Variants in RANBP2 observed in about 807,000 individuals in gnomAD.
RANBP2 encodes RAN binding protein 2, also known as E3 SUMO-protein ligase RanBP2.
RANBP2 carries 57 observed loss-of-function variants against 303.6 expected under a neutral mutation model. The ratio of observed to expected loss-of-function variants is 0.19; its 90% confidence interval spans 0.15 to 0.23. RANBP2 has a LOEUF of 0.23. RANBP2 is among the 10% of genes least tolerant of loss of function. The pLI is 1.00. For synonymous variants in RANBP2, 1,167 were observed against 1,301.5 expected, an observed-to-expected ratio of 0.90 and a Z score of 2.23; for missense variants, 3,138 against 3,780.8, an observed-to-expected ratio of 0.83 and a Z score of 4.46.
In RANBP2 at chr2:108,727,845, C is replaced by T. The variant is rs189469733; in HGVS notation, c.73-1287C>T. Reference sequence around the variant, plus strand: ...CTCGAACTCTTGGCTTCAGGTGATCCGCCCGCCTCGGTCTCCGAAAGTGCT... The same window carrying T: ...CTCGAACTCTTGGCTTCAGGTGATCTGCCCGCCTCGGTCTCCGAAAGTGCT... On this transcript the variant is annotated intron_variant, in intron 1 of 28. Coordinates refer to ENST00000283195, the MANE Select transcript of RANBP2 (RefSeq NM_006267.5). 1.5e-3 allele frequency among the ~76,000 whole-genome samples: 224 copies of T among 152,140 alleles called. 1 individual carries two copies. Among genetic ancestry groups the T allele is most frequent in the African/African-American group, 4.9e-3 (204 of 41,520 alleles).
the RANBP2 span, among the ~76,000 whole-genome samples, chr2:109,079,940 A>G: frequency 1.3e-5 from 2 of 152,222 alleles, no homozygotes; most frequent in Non-Finnish European, 2.9e-5. Flanking sequence ...TGAGTCACCA[A>G]GGACCCTGTG....
At chr2:109,372,969 C>A in the RANBP2 span, among the ~76,000 whole-genome samples, 1 of 152,216 alleles carries the variant, frequency 6.6e-6, no homozygotes, top group African/African-American at 2.4e-5. Context: ...GCATTCAAAG[C>A]CCTTTGCAGT....
At chr2:109,419,322 G>T in the RANBP2 span, among the ~76,000 whole-genome samples, 2 of 152,182 alleles carry the variant, frequency 1.3e-5, no homozygotes. Context: ...TCCCTGAGCT[G>T]CTGGGAAGGG....
chr2:109,489,819 C>G, the RANBP2 span, among the ~76,000 whole-genome samples: 2 of 152,180 alleles, frequency 1.3e-5, no homozygotes, highest in Non-Finnish European at 2.9e-5. Context: ...CTCACTGCAA[C>G]CTCCACCTCC....
the RANBP2 span, among the ~76,000 whole-genome samples, chr2:109,362,702 A>G: frequency 6.6e-6 from 1 of 152,140 alleles, no homozygotes; most frequent in Non-Finnish European, 1.5e-5. Context: ...TACTGGATTC[A>G]TCTACTTCTC....
chr2:108,853,879 A>G, the RANBP2 span, among the ~76,000 whole-genome samples: 1 of 123,098 alleles, frequency 8.1e-6, no homozygotes, highest in African/African-American at 3.2e-5. Context: ...ATACTATATA[A>G]TATATTATAT....
the RANBP2 span, among the ~76,000 whole-genome samples, chr2:108,832,025 G>T: frequency 3.3e-5 from 5 of 149,384 alleles, no homozygotes; most frequent in African/African-American, 9.9e-5. Flanking sequence ...GAGCCACCAC[G>T]CACAGCTTTT....
At chr2:108,815,986 G>A in the RANBP2 span, 9 of 1,613,270 alleles carry the variant, frequency 5.6e-6, no homozygotes, top group Admixed American at 1.5e-4. Flanking sequence ...TGTCTTCATG[G>A]ACTGGATTTC....
the RANBP2 span, among the ~76,000 whole-genome samples, chr2:109,381,080 G>A: frequency 6.6e-6 from 1 of 152,208 alleles, no homozygotes; most frequent in African/African-American, 2.4e-5. Flanking sequence ...TCTACCAAGT[G>A]GTCTACCACT....
chr2:109,440,328 A>G, the RANBP2 span, among the ~76,000 whole-genome samples: 2 of 152,222 alleles, frequency 1.3e-5, no homozygotes, highest in East Asian at 3.8e-4. Flanking sequence ...CCAGGGGCCC[A>G]TGGACGCTGG....
the RANBP2 span, among the ~76,000 whole-genome samples, chr2:109,684,255 T>TTTTTTTTTC: frequency 6.9e-6 from 1 of 145,088 alleles, no homozygotes; most frequent in African/African-American, 2.5e-5. Context: ...CTTTTTTTTT[T>TTTTTTTTTC]TTTTGAGGCA....
the RANBP2 span, chr2:109,585,695 T>C: frequency 6.8e-7 from 1 of 1,473,368 alleles, no homozygotes; most frequent in Non-Finnish European, 9.5e-7. Context: ...AAGGAACAAC[T>C]TAGAGGAAGA....
the RANBP2 span, among the ~76,000 whole-genome samples, chr2:109,774,445 G>A: frequency 8.7e-4 from 10 of 11,538 alleles, no homozygotes; most frequent in African/African-American, 6.4e-3. Context: ...AGCCTAGATT[G>A]CGCCATTGCA....
chr2:109,443,350 G>A, the RANBP2 span, among the ~76,000 whole-genome samples: 9 of 152,288 alleles, frequency 5.9e-5, no homozygotes, highest in South Asian at 8.3e-4. Context: ...CCCCCTATCG[G>A]CTCTATCCTC....
At chr2:108,762,898 G>A (rs1676834443) in intron 19 of RANBP2, among the ~76,000 whole-genome samples, 1 of 152,088 alleles carries the variant, frequency 6.6e-6, no homozygotes, top group Non-Finnish European at 1.5e-5. Flanking sequence ...ATTTTAAGAT[G>A]CTATACATAA....
the RANBP2 span, among the ~76,000 whole-genome samples, chr2:109,738,235 G>A: frequency 5.9e-5 from 9 of 151,742 alleles, no homozygotes; most frequent in African/African-American, 2.2e-4. Flanking sequence ...AATCCATTTT[G>A]AGTTTATTTT....
At chr2:109,016,376 C>T in the RANBP2 span, among the ~76,000 whole-genome samples, 7 of 152,286 alleles carry the variant, frequency 4.6e-5, no homozygotes, top group East Asian at 5.8e-4. Flanking sequence ...CGTGAGCCAC[C>T]GCGCCGGGTG....
chr2:109,170,254 C>CTT, the RANBP2 span, among the ~76,000 whole-genome samples: 1 of 15,552 alleles, frequency 6.4e-5, no homozygotes, highest in Non-Finnish European at 1.9e-4. Context: ...TTTCTCTTCT[C>CTT]TTCTCTTCTC....
chr2:109,336,080 A>C, the RANBP2 span, among the ~76,000 whole-genome samples: 4 of 152,220 alleles, frequency 2.6e-5, no homozygotes, highest in African/African-American at 9.6e-5. Context: ...CATTTTGAAA[A>C]TTCAGGCAGG....
Sources: gnomAD v4.1 joint callset for allele counts (sites outside exome capture counted in the v4.1 genomes callset) on GRCh38, gnomAD v4.1.1 for gene constraint, MANE v1.5 for transcripts, NCBI Gene and HGNC (gene_info 2026-07-23, HGNC 2026-07-21) for gene names.